ZMAT3: variants seen among roughly 807,000 people sequenced by gnomAD.
ZMAT3 encodes the protein zinc finger matrin-type 3.
ZMAT3 carries 17 observed loss-of-function variants against 32.3 expected under a neutral mutation model. The ratio of observed to expected loss-of-function variants is 0.53; its 90% CI spans 0.36 to 0.79. The LOEUF is 0.79. ZMAT3 is among the 30% of genes least tolerant of loss of function. The pLI is 0.00. For missense variants in ZMAT3, 329 were observed against 359.7 expected, an observed-to-expected ratio of 0.91 and a Z score of 0.69; for synonymous variants, 120 against 133.1, an observed-to-expected ratio of 0.90 and a Z score of 0.68.
intron 2 of ZMAT3, among the ~76,000 whole-genome samples, chr3:179,056,754 C>T (rs533563486): frequency 3.9e-5 from 6 of 152,238 alleles, no homozygotes; most frequent in Non-Finnish European, 7.3e-5. Flanking sequence ...TCCTCCAGAT[C>T]TGTCACTATC....
intron 2 of ZMAT3, among the ~76,000 whole-genome samples, chr3:179,031,681 T>C (rs1306317849): frequency 6.6e-6 from 1 of 151,698 alleles, no homozygotes; most frequent in Non-Finnish European, 1.5e-5. Flanking sequence ...CCAAGGAGGG[T>C]GGATGACCTG....
At chr3:179,069,437 T>G (rs1334735154) in intron 1 of ZMAT3, among the ~76,000 whole-genome samples, 4 of 152,216 alleles carry the variant, frequency 2.6e-5, no homozygotes, top group South Asian at 2.1e-4. Flanking sequence ...TTAGAATCCT[T>G]ATTTCAAAAT....
intron 2 of ZMAT3, among the ~76,000 whole-genome samples, chr3:179,051,955 T>C (rs1395784646): frequency 2.0e-5 from 3 of 152,188 alleles, no homozygotes. Context: ...CAAATGGTGC[T>C]GAGATAATTG....
rs1235163108 is a variant in ZMAT3 at position 179,021,604 on chromosome 3, G to C, written c.*3413C>G. The C allele has an allele frequency of 6.6e-6, 1 of 152,044 alleles. No homozygotes were observed. The highest frequency in any genetic ancestry group is 1.5e-5 in the Non-Finnish European group (1 of 68,014). 9.4% of individuals were successfully genotyped at this position (152,044 alleles called of 1,614,324 possible). On this transcript the variant is annotated 3_prime_UTR_variant, in exon 6 of 6. Transcript: ENST00000311417. Reference sequence around the variant, plus strand: ...TCTGTCCATCCTTGAAGACAGCATAGAAAAGGACACTAACATAATTCCTGG... The same window carrying C: ...TCTGTCCATCCTTGAAGACAGCATACAAAAGGACACTAACATAATTCCTGG...
intron 2 of ZMAT3, among the ~76,000 whole-genome samples, chr3:179,058,679 C>A (rs1180086672): frequency 1.3e-5 from 2 of 150,702 alleles, no homozygotes; most frequent in African/African-American, 4.9e-5. Flanking sequence ...TGGCATGAAC[C>A]CGGGAGGCGG....
In ZMAT3 at chr3:179,017,867, A is replaced by G. The variant is rs1718352191; in HGVS notation, c.*7150T>C. The G allele has an allele frequency of 6.6e-6, 1 of 152,206 alleles. No individual in the cohort carries two copies. The highest frequency in any genetic ancestry group is 1.5e-5 in the Non-Finnish European group (1 of 68,040). 9.4% of individuals were successfully genotyped at this position (152,206 alleles called of 1,614,324 possible). On this transcript the variant is annotated 3_prime_UTR_variant, in exon 6 of 6. Coordinates refer to ENST00000311417, the MANE Select transcript of ZMAT3 (RefSeq NM_022470.4). ...TCCCAGCAGATATATGGAATGCTTT[A>G]AAGCAGGATCTGACATACTCCAGTA...
intron 2 of ZMAT3, among the ~76,000 whole-genome samples, chr3:179,054,906 G>C (rs974876145): frequency 6.6e-6 from 1 of 152,148 alleles, no homozygotes; most frequent in African/African-American, 2.4e-5. Context: ...CTGAACACTA[G>C]TCACTGGGTT....
At chr3:179,039,340 C>T (rs1719785397) in intron 2 of ZMAT3, among the ~76,000 whole-genome samples, 1 of 152,148 alleles carries the variant, frequency 6.6e-6, no homozygotes, top group East Asian at 1.9e-4. Context: ...AGATGGGTGC[C>T]CCTCTGGGAT....
chr3:179,072,372 A>C (rs1721767737), upstream of ZMAT3: 1 of 152,096 alleles, frequency 6.6e-6, no homozygotes, highest in Non-Finnish European at 1.5e-5. Flanking sequence ...CCTACACGAA[A>C]GTGAGCAGGA....
intron 2 of ZMAT3, among the ~76,000 whole-genome samples, chr3:179,038,384 C>G (rs1719722618): frequency 6.6e-6 from 1 of 151,998 alleles, no homozygotes; most frequent in African/African-American, 2.4e-5. Flanking sequence ...ACTTTGAGAC[C>G]AAACTGGGCA....
intron 2 of ZMAT3, among the ~76,000 whole-genome samples, chr3:179,038,447 G>A (rs1719725949): frequency 6.6e-6 from 1 of 152,166 alleles, no homozygotes; most frequent in Non-Finnish European, 1.5e-5. Flanking sequence ...GCATGGTGGT[G>A]CAAACCTATG....
intron 2 of ZMAT3, among the ~76,000 whole-genome samples, chr3:179,064,085 T>C (rs1371118002): frequency 6.6e-6 from 1 of 152,250 alleles, no homozygotes; most frequent in Non-Finnish European, 1.5e-5. Flanking sequence ...CCGGCTCTAG[T>C]GTAACCACCA....
At chr3:179,058,757 A>G (rs1301218428) in intron 2 of ZMAT3, among the ~76,000 whole-genome samples, 1 of 144,218 alleles carries the variant, frequency 6.9e-6, no homozygotes, top group Non-Finnish European at 1.6e-5. Flanking sequence ...CTCCGTCTCA[A>G]AAAAAAAAAA....
chr3:179,036,588 T>G (rs1231093166), intron 2 of ZMAT3, among the ~76,000 whole-genome samples: 1 of 151,628 alleles, frequency 6.6e-6, no homozygotes, highest in Admixed American at 6.6e-5. Flanking sequence ...AACCGCAGGG[T>G]AGATGGAAAT....
chr3:179,058,406 G>T (rs1720964716), intron 2 of ZMAT3, among the ~76,000 whole-genome samples: 2 of 152,212 alleles, frequency 1.3e-5, no homozygotes, highest in African/African-American at 4.8e-5. Flanking sequence ...ACCTTTTAGA[G>T]GTTCCCTTGA....
chr3:179,043,022 T>G (rs1337544481), intron 2 of ZMAT3, among the ~76,000 whole-genome samples: 1 of 152,138 alleles, frequency 6.6e-6, no homozygotes, highest in Non-Finnish European at 1.5e-5. Flanking sequence ...ACAAGGGATG[T>G]GAAGGACCTC....
Position 179,067,622 on chromosome 3 carries a change from G to A in ZMAT3, c.131C>T (p.Ser44Phe). The A allele has an allele frequency of 6.2e-7, 1 of 1,614,132 alleles. No homozygotes were observed. The highest frequency in any genetic ancestry group is 8.5e-7 in the Non-Finnish European group (1 of 1,180,030). Residue 44 changes from serine (S) to phenylalanine (F), a missense_variant, in exon 2 of 6, where the codon TCC becomes TTC. Ser to Phe is a radical substitution (Grantham distance 155, BLOSUM62 -2). Transcript: ENST00000311417. Reference protein sequence around the residue: ...PPQKPFGQEASLPLAGEEELS... With the variant: ...PPQKPFGQEAFLPLAGEEELS... ...CTCTTCTTCCCCTGCAAGAGGCAAG[G>A]AAGCCTCCTGCCCAAAAGGCTTCTG...
intron 2 of ZMAT3, among the ~76,000 whole-genome samples, chr3:179,042,685 A>G (rs921294691): frequency 7.2e-5 from 11 of 152,208 alleles, no homozygotes; most frequent in African/African-American, 2.7e-4. Flanking sequence ...GCCCTCTCTC[A>G]CCACTCCTAT....
At chr3:179,051,910 A>G (rs1239990065) in intron 2 of ZMAT3, among the ~76,000 whole-genome samples, 1 of 152,210 alleles carries the variant, frequency 6.6e-6, no homozygotes, top group Non-Finnish European at 1.5e-5. Context: ...CAAAACAAAC[A>G]AAAACATAAA....
Sources: gnomAD v4.1 joint callset for allele counts (sites outside exome capture counted in the v4.1 genomes callset) on GRCh38, gnomAD v4.1.1 for gene constraint, MANE v1.5 for transcripts, NCBI Gene and HGNC (gene_info 2026-07-23, HGNC 2026-07-21) for gene names.